Variants in CR2 observed in about 807,000 individuals in gnomAD.
The protein encoded by CR2 is complement receptor type 2.
In CR2, 96 loss-of-function variants were observed where a neutral mutation model predicts 123.0. The observed-to-expected ratio is 0.78, with a 90% CI of 0.66 to 0.93. The LOEUF (loss-of-function observed/expected upper bound fraction) is 0.93, where lower values mean the gene tolerates loss of function less well. Among genes scored for constraint, CR2 ranks in the 40% least tolerant of loss-of-function variants. The pLI is 0.00. For missense variants in CR2, 1,258 were observed against 1,361.0 expected (o/e 0.92, Z 1.19); for synonymous variants, 484 against 469.5 (o/e 1.03, Z -0.40).
chr1:207,478,130 G>A, intron 16 of CR2, 60 bp downstream of exon 16: 2 of 1,546,126 alleles, frequency 1.3e-6, no homozygotes, highest in South Asian at 1.2e-5. Flanking sequence ...GAGAGTGAGA[G>A]TTTCCCTCAG....
chr1:207,471,453 G>A lies in CR2; in HGVS notation c.1524G>A (p.Glu508=), dbSNP rs769066496. ...AGTTAAGTGGGAGTGTTTATCAGGAGTGTCAAGGCACAATTCCTTGGTTTA... is the reference window on the plus strand; with the variant it reads ...AGTTAAGTGGGAGTGTTTATCAGGAATGTCAAGGCACAATTCCTTGGTTTA... ...GYKLSGSVYQ[E]CQGTIPWFME... Residue 508 remains glutamate (E), a synonymous_variant, in exon 9 of 20, where the codon GAG becomes GAA. Transcript: ENST00000367057. 7 of 1,613,148 alleles carry A rather than the reference G, an allele frequency of 4.3e-6. No homozygotes were observed. The highest frequency in any genetic ancestry group is 1.1e-5 in the South Asian group (1 of 91,062).
chr1:207,488,064 T>C (rs1003718082), intron 19 of CR2, among the ~76,000 whole-genome samples: 1 of 152,196 alleles, frequency 6.6e-6, no homozygotes, highest in African/African-American at 2.4e-5. Context: ...ACAGGCCACA[T>C]GAGATGTGCA....
chr1:207,487,408 T>C (rs1426711418), intron 19 of CR2, among the ~76,000 whole-genome samples: 1 of 152,198 alleles, frequency 6.6e-6, no homozygotes, highest in Non-Finnish European at 1.5e-5. Context: ...TGCCTCAGTC[T>C]CCTGAGTAGC....
chr1:207,476,954 T>C (rs1325729964), intron 15 of CR2, among the ~76,000 whole-genome samples: 1 of 152,244 alleles, frequency 6.6e-6, no homozygotes, highest in Non-Finnish European at 1.5e-5. Flanking sequence ...TTATTTCATT[T>C]AGTCTTCATG....
chr1:207,464,313 G>T (rs1352080449), intron 1 of CR2, among the ~76,000 whole-genome samples: 1 of 152,172 alleles, frequency 6.6e-6, no homozygotes, highest in Non-Finnish European at 1.5e-5. Context: ...TTGCAGTTTG[G>T]ATTGCAAGAA....
Position 207,466,714 on chromosome 1 carries a change from G to A in CR2, c.247G>A (p.Glu83Lys). ...GTWDKPAPKC[E>K]YFNKYSSCPE... is the part of the protein sequence containing the mutation. ...CTGGGATAAACCTGCTCCTAAATGTGAATATTTCAATAAATATTCTTCTTG... is the reference window on the plus strand; with the variant it reads ...CTGGGATAAACCTGCTCCTAAATGTAAATATTTCAATAAATATTCTTCTTG... The change falls in exon 2 of 20, where the codon GAA becomes AAA. Residue 83 changes from glutamate to lysine, a missense_variant. Coordinates refer to ENST00000367057, the MANE Select transcript of CR2 (RefSeq NM_001006658.3). The A allele has an allele frequency of 1.9e-6, 3 of 1,614,038 alleles. No homozygotes were observed. The highest frequency in any genetic ancestry group is 2.5e-6 in the Non-Finnish European group (3 of 1,179,988).
Position 207,478,047 on chromosome 1 carries a change from C to T in CR2, c.3065C>T (p.Pro1022Leu). Residue 1022 changes from proline to leucine, a missense_variant, in exon 16 of 20, where the codon CCT becomes CTT. By Grantham distance (98) the Pro-to-Leu change is moderately conservative. Coordinates refer to ENST00000367057, the MANE Select transcript of CR2 (RefSeq NM_001006658.3). ...SQCQSDHQWN[P>L]PLAVCRSRSL... is the part of the protein sequence containing the mutation. Reference sequence around the variant, plus strand: ...TGCCAATCGGATCACCAATGGAACCCTCCCCTGGCGGTTTGCAGATCCCGT... The same window carrying T: ...TGCCAATCGGATCACCAATGGAACCTTCCCCTGGCGGTTTGCAGATCCCGT... 2.5e-6 allele frequency: 4 copies of T among 1,613,902 alleles called. No individual in the cohort carries two copies. The highest frequency in any genetic ancestry group is 3.4e-6 in the Non-Finnish European group (4 of 1,179,932).
intron 17 of CR2, among the ~76,000 whole-genome samples, chr1:207,479,658 A>G (rs577154879): frequency 1.7e-4 from 26 of 152,324 alleles, no homozygotes; most frequent in Admixed American, 3.9e-4. Flanking sequence ...CCTAATTTCT[A>G]TTCTTGAGAT....
intron 17 of CR2, 102 bp downstream of exon 17, chr1:207,479,382 A>C: frequency 1.2e-6 from 1 of 808,846 alleles, no homozygotes; most frequent in Non-Finnish European, 2.0e-6. Flanking sequence ...TTTAACTCAT[A>C]GGGAATGTTC....
rs1426975911 is a variant in CR2 at position 207,463,317 on chromosome 1, G to A, written c.59-3209G>A. On this transcript the variant is annotated intron_variant, in intron 1 of 19. Coordinates refer to ENST00000367057, the MANE Select transcript of CR2 (RefSeq NM_001006658.3). ...CAGAAACCATCACTCTTCCAAAAGA[G>A]ATCTGAGTAATTGCCACATACTTTT... 3.9e-5 allele frequency among the ~76,000 whole-genome samples: 6 copies of A among 152,156 alleles called. No individual in the cohort carries two copies. In the South Asian group the frequency reaches 1.0e-3, roughly 26 times the overall value.
At chr1:207,488,517 G>A (rs953922498) in intron 19 of CR2, among the ~76,000 whole-genome samples, 23 of 152,188 alleles carry the variant, frequency 1.5e-4, no homozygotes, top group African/African-American at 4.3e-4. Flanking sequence ...CCAGCTACTC[G>A]GGAGGCTGAG....
intron 18 of CR2, among the ~76,000 whole-genome samples, chr1:207,483,352 G>C (rs554180368): frequency 2.0e-5 from 3 of 152,256 alleles, no homozygotes; most frequent in African/African-American, 7.2e-5. Context: ...TGTACTGAGG[G>C]TATCTACGAA....
chr1:207,477,963 C>T lies in CR2; in HGVS notation c.2981C>T (p.Ala994Val). The T allele has an allele frequency of 1.9e-6, 3 of 1,614,014 alleles. No individual in the cohort carries two copies. Among genetic ancestry groups the T allele is most frequent in the Non-Finnish European group, 2.5e-6 (3 of 1,179,974 alleles). The stretch of plus-strand genomic sequence containing the variant: ...CCAAGGAAAATGTATCAGTATGGAG[C>T]TGTTGTAACTCTGGAGTGTGAAGAT... Reference protein sequence around the residue: ...LEPRKMYQYGAVVTLECEDGY... With the variant: ...LEPRKMYQYGVVVTLECEDGY... The change falls in exon 16 of 20, where the codon GCT (alanine) becomes GTT (valine). Residue 994 changes from alanine (A) to valine (V), a missense_variant. Ala to Val is a moderately conservative substitution (Grantham distance 64, BLOSUM62 0). Transcript: ENST00000367057.
chr1:207,466,964 GCAGACCACGTTTTGTACCC>G, intron 2 of CR2, 52 bp downstream of exon 2: 2 of 1,530,098 alleles, frequency 1.3e-6, no homozygotes, highest in East Asian at 2.3e-5. Flanking sequence ...GCCTTTCTGT[GCAGACCACGTTTTGTACCC>G]TCCTGAAGGA....
At chr1:207,479,946 G>C in intron 17 of CR2, 32 bp from the exon 18 acceptor site, 1 of 1,533,548 alleles carries the variant, frequency 6.5e-7, no homozygotes, top group South Asian at 1.1e-5. Context: ...ATCGTCTTCT[G>C]GCATTTGATA....
chr1:207,472,631 CTTTCACA>C (rs1658312580), intron 9 of CR2, 134 bp from the exon 10 acceptor site: 1 of 790,438 alleles, frequency 1.3e-6, no homozygotes, highest in Non-Finnish European at 2.0e-6. Context: ...ACTTAATGAG[CTTTCACA>C]CAACTCACAT....
intron 19 of CR2, among the ~76,000 whole-genome samples, chr1:207,486,344 G>A (rs528009332): frequency 6.6e-6 from 1 of 152,142 alleles, no homozygotes; most frequent in African/African-American, 2.4e-5. Flanking sequence ...AGCTGTGTTG[G>A]CGGCACAGCA....
chr1:207,474,260 G>A lies in CR2; in HGVS notation c.2260G>A (p.Ala754Thr). 3 of 1,613,178 alleles carry A rather than the reference G, an allele frequency of 1.9e-6. No homozygotes were observed. Among genetic ancestry groups the A allele is most frequent in the Non-Finnish European group, 2.5e-6 (3 of 1,179,228 alleles). Reference sequence around the variant, plus strand: ...CTGTAGGTACCAGTTGACTGGACATGCTTATCAGATGTGTCAAGATGCTGA... The same window carrying A: ...CTGTAGGTACCAGTTGACTGGACATACTTATCAGATGTGTCAAGATGCTGA... ...CQDGYQLTGH[A>T]YQMCQDAENG... The change falls in exon 13 of 20, where the codon GCT becomes ACT. Residue 754 changes from alanine to threonine, a missense_variant. Physicochemically the swap from Ala to Thr is moderately conservative, Grantham distance 58. Transcript: ENST00000367057.
At position 207,475,121 on chromosome 1, in the gene CR2, A is replaced by T; in HGVS notation, c.2621A>T (p.Asp874Val). 6.2e-7 allele frequency: 1 copy of T among 1,612,700 alleles called. No individual in the cohort carries two copies. The change falls in exon 14 of 20, where the codon GAC becomes GTC. Residue 874 changes from aspartate to valine, a missense_variant. Transcript: ENST00000367057. The stretch of plus-strand genomic sequence containing the variant: ...TCCCACAATGACATAGTGTATGTTG[A>T]CTGCAATCCTGGCTTCATCATGAAT... The part of the protein sequence containing the change: ...AYSHNDIVYV[D>V]CNPGFIMNGS...
Sources: gnomAD v4.1 joint callset for allele counts (sites outside exome capture counted in the v4.1 genomes callset) on GRCh38, gnomAD v4.1.1 for gene constraint, MANE v1.5 for transcripts, NCBI Gene and HGNC (gene_info 2026-07-23, HGNC 2026-07-21) for gene names.